ADGRA3: variants seen among roughly 807,000 people sequenced by gnomAD.
ADGRA3 encodes the protein adhesion G protein-coupled receptor A3.
ADGRA3 carries 56 observed loss-of-function variants against 119.8 expected under a neutral mutation model. The ratio of observed to expected loss-of-function variants is 0.47; its 90% CI spans 0.38 to 0.58. ADGRA3 has a LOEUF of 0.58. Among genes scored for constraint, ADGRA3 ranks in the 20% least tolerant of loss-of-function variants. ADGRA3 has a pLI of 0.00. For synonymous variants in ADGRA3, 607 were observed against 623.8 expected (o/e 0.97, Z 0.40); for missense variants, 1,516 against 1,649.0 (o/e 0.92, Z 1.40).
At position 22,503,639 on chromosome 4, in the gene ADGRA3, A is replaced by ACAAAGTCT. The variant is rs34871343; in HGVS notation, c.257+11888_257+11889insAGACTTTG. Among the ~76,000 whole-genome samples, 1,222 of 152,208 alleles carry ACAAAGTCT rather than the reference A, an allele frequency of 8.0e-3. 11 individuals are homozygous for ACAAAGTCT. The highest frequency in any genetic ancestry group is 0.014 in the Middle Eastern group (4 of 294). On this transcript the variant is annotated intron_variant, in intron 1 of 18. Transcript: ENST00000334304. ...CTAGGTACTATGGATACATGAGGAA[A>ACAAAGTCT]CTGACACCTCAATAGAACTGACATT...
At chr4:22,396,234 T>C (rs1477316186) in intron 16 of ADGRA3, among the ~76,000 whole-genome samples, 1 of 152,080 alleles carries the variant, frequency 6.6e-6, no homozygotes, top group Non-Finnish European at 1.5e-5. Context: ...GCACCTAAGG[T>C]CCTACCTGAA....
rs372047016 is a variant in ADGRA3 at position 22,388,563 on chromosome 4, T to G, written c.3108A>C (p.Leu1036Phe). Residue 1036 changes from leucine to phenylalanine, a missense_variant, in exon 19 of 19, where the codon TTA becomes TTC. Physicochemically the swap from Leu to Phe is conservative, Grantham distance 22. Transcript: ENST00000334304. ...GGACCACGAAGAACGCACTGAAGCT[T>G]AAACTTGTGGCTCCAAAAACGAAGC... ...VFSFVFGATS[L>F]SFSAFFVVHH... 1.8e-5 allele frequency: 29 copies of G among 1,613,954 alleles called. No homozygotes were observed. Among genetic ancestry groups the G allele is most frequent in the Non-Finnish European group, 2.4e-5 (28 of 1,180,030 alleles).
At chr4:22,494,978 G>A (rs10007172) in intron 1 of ADGRA3, among the ~76,000 whole-genome samples, 1,962 of 151,944 alleles carry the variant, frequency 0.013, 83 homozygotes, top group African/African-American at 0.044. Context: ...AAAGTTTAAC[G>A]TATAAATCAG....
At position 22,511,577 on chromosome 4, in the gene ADGRA3, A is replaced by G. The variant is rs11942141; in HGVS notation, c.257+3951T>C. On this transcript the variant is annotated intron_variant, in intron 1 of 18. Transcript: ENST00000334304. ...AAAAAAATTATATCCCATCTTTGCC[A>G]TTCTCCCAGTTCCCATCAGTTAATT... Among the ~76,000 whole-genome samples, 1,506 of 152,234 alleles carry G rather than the reference A, an allele frequency of 9.9e-3. 23 individuals are homozygous for G. Among genetic ancestry groups the G allele is most frequent in the African/African-American group, 0.031 (1,290 of 41,530 alleles).
chr4:22,483,386 A>G (rs911477874), intron 1 of ADGRA3, among the ~76,000 whole-genome samples: 6 of 152,194 alleles, frequency 3.9e-5, no homozygotes, highest in Non-Finnish European at 8.8e-5. Flanking sequence ...GGACATAATG[A>G]CATAGCACCT....
At chr4:22,402,901 G>A (rs1421036448) in intron 14 of ADGRA3, 102 bp from the exon 15 acceptor site, 2 of 1,093,470 alleles carry the variant, frequency 1.8e-6, no homozygotes, top group African/African-American at 1.6e-5. Flanking sequence ...CAAAAACTCT[G>A]GCCCTTATGT....
chr4:22,427,072 C>G (rs993457986), intron 10 of ADGRA3, among the ~76,000 whole-genome samples: 5 of 152,030 alleles, frequency 3.3e-5, no homozygotes, highest in Non-Finnish European at 5.9e-5. Context: ...AAGATTTTGT[C>G]TATTATTCTG....
chr4:22,406,587 G>C (rs1372105323), intron 14 of ADGRA3, among the ~76,000 whole-genome samples: 1 of 151,878 alleles, frequency 6.6e-6, no homozygotes, highest in African/African-American at 2.4e-5. Flanking sequence ...TACACCTGTT[G>C]GTCATTTGTA....
chr4:22,440,626 G>C (rs1444266889), intron 7 of ADGRA3, among the ~76,000 whole-genome samples: 1 of 151,968 alleles, frequency 6.6e-6, no homozygotes. Flanking sequence ...TTAAATTTAA[G>C]CATGACTTGC....
intron 1 of ADGRA3, among the ~76,000 whole-genome samples, chr4:22,496,329 GCA>G (rs1718824416): frequency 6.6e-6 from 1 of 152,070 alleles, no homozygotes; most frequent in South Asian, 2.1e-4. Flanking sequence ...ACTTCCTCAA[GCA>G]CAAATTAGGG....
At chr4:22,424,919 A>G (rs1715870461) in intron 10 of ADGRA3, among the ~76,000 whole-genome samples, 1 of 152,056 alleles carries the variant, frequency 6.6e-6, no homozygotes, top group African/African-American at 2.4e-5. Flanking sequence ...TAAAAATACA[A>G]AACAAATTAG....
At chr4:22,512,683 C>G (rs150036185) in intron 1 of ADGRA3, among the ~76,000 whole-genome samples, 10 of 152,176 alleles carry the variant, frequency 6.6e-5, no homozygotes, top group African/African-American at 2.4e-4. Context: ...TGCCCCAAGC[C>G]AAGGAAAACC....
At chr4:22,487,888 G>C (rs896531894) in intron 1 of ADGRA3, among the ~76,000 whole-genome samples, 2 of 152,158 alleles carry the variant, frequency 1.3e-5, no homozygotes, top group Non-Finnish European at 1.5e-5. Flanking sequence ...ACAGAATGTT[G>C]AATTACAGCT....
At chr4:22,392,411 T>A (rs1714169905) in intron 17 of ADGRA3, 134 bp downstream of exon 17, 9 of 1,017,460 alleles carry the variant, frequency 8.8e-6, no homozygotes, top group Non-Finnish European at 1.0e-5. Context: ...CTGAGCCATT[T>A]TCAAAACCAG....
intron 14 of ADGRA3, 82 bp from the exon 15 acceptor site, chr4:22,402,881 C>T: frequency 7.6e-7 from 1 of 1,318,144 alleles, no homozygotes; most frequent in Non-Finnish European, 1.0e-6. Context: ...GACGAAAACA[C>T]ATCAATAAAC....
In ADGRA3 at chr4:22,516,057, C is replaced by CGCCGCCACT. The variant is rs1198316273; in HGVS notation, c.-282_-274dup. 2 of 158,046 alleles carry CGCCGCCACT rather than the reference C, an allele frequency of 1.3e-5. No homozygotes were observed. The highest frequency in any genetic ancestry group is 2.4e-5 in the African/African-American group (1 of 41,312). 9.8% of individuals were successfully genotyped at this position (158,046 alleles called of 1,614,324 possible). On this transcript the variant is annotated 5_prime_UTR_variant, in exon 1 of 19. Transcript: ENST00000334304. ...CCTCCTCCTCCTCTGCCGCCGCCGC[C>CGCCGCCACT]GCCGCCACTGCCTCCTCCCCTGGCC... is the stretch of plus-strand genomic sequence containing the variant.
intron 4 of ADGRA3, among the ~76,000 whole-genome samples, chr4:22,454,114 G>A (rs1025460578): frequency 3.3e-5 from 5 of 152,088 alleles, no homozygotes; most frequent in African/African-American, 9.7e-5. Context: ...GTCTGCCTCG[G>A]CCTCGCAAAG....
chr4:22,498,912 C>CA (rs55995027), intron 1 of ADGRA3, among the ~76,000 whole-genome samples: 66 of 35,328 alleles, frequency 1.9e-3, no homozygotes, highest in Non-Finnish European at 2.7e-3. Flanking sequence ...AGACTCGTCT[C>CA]AAAAAAAAAA....
At chr4:22,461,615 G>C in intron 3 of ADGRA3, 122 bp downstream of exon 3, 2 of 648,502 alleles carry the variant, frequency 3.1e-6, no homozygotes, top group Middle Eastern at 3.6e-4. Flanking sequence ...CTGTATCAGG[G>C]ACCTGGCCAG....
Sources: allele counts gnomAD v4.1 joint callset (sites outside exome capture counted in the v4.1 genomes callset), GRCh38; gene constraint gnomAD v4.1.1; transcripts MANE v1.5; gene names NCBI Gene and HGNC (gene_info 2026-07-23, HGNC 2026-07-21).